Variants in MAML2 observed in about 807,000 individuals in gnomAD.
MAML2 encodes mastermind-like protein 2.
Under a neutral mutation model 96.1 loss-of-function variants are expected in MAML2, and 22 were observed. The ratio of observed to expected loss-of-function variants is 0.23; its 90% CI spans 0.16 to 0.33. The LOEUF (loss-of-function observed/expected upper bound fraction) is 0.33, where lower values mean the gene tolerates loss of function less well. MAML2 is among the 10% of genes least tolerant of loss of function. The pLI is 1.00. For missense variants in MAML2, 1,367 were observed against 1,392.4 expected (o/e 0.98, Z 0.29); for synonymous variants, 561 against 521.3 (o/e 1.08, Z -1.04).
intron 1 of MAML2, among the ~76,000 whole-genome samples, chr11:96,208,161 T>C (rs1861920717): frequency 6.6e-6 from 1 of 152,256 alleles, no homozygotes; most frequent in Admixed American, 6.5e-5. Flanking sequence ...TCAAGTACTA[T>C]GTCCCCTCCC....
intron 1 of MAML2, among the ~76,000 whole-genome samples, chr11:96,267,663 C>G (rs557165765): frequency 1.3e-5 from 2 of 152,178 alleles, no homozygotes; most frequent in African/African-American, 4.8e-5. Flanking sequence ...TGGCAGGGAG[C>G]AAGAGAAGGA....
At chr11:95,999,881 T>A (rs1858055098) in intron 2 of MAML2, among the ~76,000 whole-genome samples, 1 of 152,122 alleles carries the variant, frequency 6.6e-6, no homozygotes. Context: ...ATCTTTCTTC[T>A]CCCTACCCAC....
intron 1 of MAML2, among the ~76,000 whole-genome samples, chr11:96,226,213 G>T (rs1862207946): frequency 6.6e-6 from 1 of 152,188 alleles, no homozygotes; most frequent in African/African-American, 2.4e-5. Context: ...TTATGTCACA[G>T]GGAAAGAATT....
intron 1 of MAML2, among the ~76,000 whole-genome samples, chr11:96,127,509 C>A (rs1388732827): frequency 6.6e-6 from 1 of 151,938 alleles, no homozygotes; most frequent in East Asian, 1.9e-4. Context: ...AATTTGCTGG[C>A]TAATGGAAGT....
At chr11:96,024,569 T>C (rs1858485900) in intron 2 of MAML2, among the ~76,000 whole-genome samples, 1 of 152,238 alleles carries the variant, frequency 6.6e-6, no homozygotes, top group African/African-American at 2.4e-5. Flanking sequence ...AGGCTGGTCA[T>C]AGGTAGAACT....
chr11:96,213,536 G>A (rs1371234518), intron 1 of MAML2, among the ~76,000 whole-genome samples: 1 of 152,164 alleles, frequency 6.6e-6, no homozygotes, highest in Admixed American at 6.5e-5. Flanking sequence ...CCATATGGAA[G>A]TAAACTATCT....
intron 1 of MAML2, among the ~76,000 whole-genome samples, chr11:96,214,203 C>T (rs141375646): frequency 1.3e-5 from 2 of 152,194 alleles, no homozygotes; most frequent in Admixed American, 1.3e-4. Flanking sequence ...TGAATACTTC[C>T]TTAGAACTAG....
intron 1 of MAML2, among the ~76,000 whole-genome samples, chr11:96,331,549 C>A (rs1863854653): frequency 6.6e-6 from 1 of 151,694 alleles, no homozygotes; most frequent in Non-Finnish European, 1.5e-5. Flanking sequence ...GTAATCCCAG[C>A]ACTTTTTGGA....
Position 96,342,624 on chromosome 11 carries a change from G to C in MAML2, c.-729C>G, listed in dbSNP as rs1045574141. 1.0e-5 allele frequency: 4 copies of C among 390,090 alleles called. No homozygotes were observed. Among genetic ancestry groups the C allele is most frequent in the African/African-American group, 2.1e-5 (1 of 48,496 alleles). 24.2% of individuals were successfully genotyped at this position (390,090 alleles called of 1,614,324 possible). On this transcript the variant is annotated 5_prime_UTR_variant, in exon 1 of 5. Transcript: ENST00000524717. ...TGTAGGATGTTGTCTTCTCCCAAAAGAGGGAGACAGCTTTTCAACTGTTAA... is the reference window on the plus strand; with the variant it reads ...TGTAGGATGTTGTCTTCTCCCAAAACAGGGAGACAGCTTTTCAACTGTTAA...
intron 1 of MAML2, among the ~76,000 whole-genome samples, chr11:96,253,674 A>G (rs1222631260): frequency 2.6e-5 from 4 of 152,198 alleles, no homozygotes; most frequent in Non-Finnish European, 4.4e-5. Context: ...AGAAAAGGCA[A>G]AGCTGTTCCA....
At chr11:95,993,405 T>G (rs182870719) in intron 2 of MAML2, among the ~76,000 whole-genome samples, 48 of 152,116 alleles carry the variant, frequency 3.2e-4, no homozygotes, top group African/African-American at 1.1e-3. Flanking sequence ...CCATCTCTAC[T>G]AAAATATGAA....
intron 2 of MAML2, among the ~76,000 whole-genome samples, chr11:96,063,855 G>A (rs1341647583): frequency 1.3e-5 from 2 of 152,194 alleles, no homozygotes; most frequent in Non-Finnish European, 1.5e-5. Flanking sequence ...TGCAAATTTA[G>A]TCTAAATATT....
chr11:96,167,566 C>T (rs1185357294), intron 1 of MAML2, among the ~76,000 whole-genome samples: 2 of 152,204 alleles, frequency 1.3e-5, no homozygotes, highest in Non-Finnish European at 2.9e-5. Flanking sequence ...TCACCCCTCT[C>T]CCAGGCACCT....
intron 1 of MAML2, among the ~76,000 whole-genome samples, chr11:96,318,773 C>T (rs1343748221): frequency 1.3e-5 from 2 of 152,170 alleles, no homozygotes; most frequent in South Asian, 2.1e-4. Flanking sequence ...ATATAGGGGA[C>T]ATTCATTGAA....
intron 2 of MAML2, among the ~76,000 whole-genome samples, chr11:96,047,418 C>T (rs1018814385): frequency 5.3e-5 from 8 of 152,166 alleles, no homozygotes; most frequent in African/African-American, 1.9e-4. Context: ...GTATCCTCTT[C>T]TTTAAGTGGG....
chr11:96,278,636 G>T (rs1017458326), intron 1 of MAML2, among the ~76,000 whole-genome samples: 7 of 152,190 alleles, frequency 4.6e-5, no homozygotes, highest in Non-Finnish European at 7.3e-5. Flanking sequence ...AGTAGTGAAA[G>T]ATGAATAGGA....
At chr11:96,199,196 C>CAAA (rs71459791) in intron 1 of MAML2, among the ~76,000 whole-genome samples, 17 of 58,610 alleles carry the variant, frequency 2.9e-4, no homozygotes, top group African/African-American at 8.8e-4. Context: ...GCCTCCGTCT[C>CAAA]AAAAAAAAAA....
intron 4 of MAML2, among the ~76,000 whole-genome samples, chr11:95,981,778 T>A (rs932038371): frequency 1.3e-5 from 2 of 152,192 alleles, no homozygotes; most frequent in Non-Finnish European, 2.9e-5. Context: ...AGCAATATCA[T>A]CTTTGTATCT....
intron 2 of MAML2, among the ~76,000 whole-genome samples, chr11:96,090,425 C>G (rs1198935409): frequency 1.3e-5 from 2 of 152,100 alleles, no homozygotes; most frequent in Admixed American, 1.3e-4. Flanking sequence ...CTTTTCACTC[C>G]TATTGATAGG....
Sources: allele counts gnomAD v4.1 joint callset (sites outside exome capture counted in the v4.1 genomes callset), GRCh38; gene constraint gnomAD v4.1.1; transcripts MANE v1.5; gene names NCBI Gene and HGNC (gene_info 2026-07-23, HGNC 2026-07-21).